Variants in CAMTA1 observed in about 807,000 individuals in gnomAD.
CAMTA1 encodes the protein calmodulin-binding transcription activator 1.
Under a neutral mutation model 170.9 loss-of-function variants are expected in CAMTA1, and 27 were observed. The observed-to-expected ratio is 0.16, with a 90% CI of 0.12 to 0.22. The LOEUF (loss-of-function observed/expected upper bound fraction) is 0.22. Ranked by LOEUF, CAMTA1 falls within the 10% of genes least tolerant of loss-of-function variation. The probability of loss-of-function intolerance (pLI) is 1.00; values close to 1 mark genes in which losing one functional copy is unlikely to be tolerated. For missense variants in CAMTA1, 1,619 were observed against 2,217.2 expected (o/e 0.73, Z 5.42); for synonymous variants, 833 against 891.5 (o/e 0.93, Z 1.17).
rs1336336584 is a variant in CAMTA1 at position 7,093,326 on chromosome 1, C to T, written c.302+1955C>T. On this transcript the variant is annotated intron_variant, in intron 4 of 22. Transcript: ENST00000303635. This position sits in a 1 kb window ranked among gnomAD's most constrained non-coding sequence, Gnocchi z 4.6. Reference sequence around the variant, plus strand: ...GGACTGTACTTTGAGGGCCACTGGCCTAGTTTTCTGGGGGAGAAGGAGGCT... The same window carrying T: ...GGACTGTACTTTGAGGGCCACTGGCTTAGTTTTCTGGGGGAGAAGGAGGCT... Among the ~76,000 whole-genome samples, 5 of 152,124 alleles carry T rather than the reference C, an allele frequency of 3.3e-5. No individual in the cohort carries two copies. Among genetic ancestry groups the T allele is most frequent in the African/African-American group, 9.7e-5 (4 of 41,418 alleles).
At position 7,276,303 on chromosome 1, in the gene CAMTA1, A is replaced by ATTTTTTTTTTTT. The variant is rs1180773965; in HGVS notation, c.438+26684_438+26695dup. On this transcript the variant is annotated intron_variant, in intron 5 of 22. Transcript: ENST00000303635. ...CATATATATATATATATATATATAT[A>ATTTTTTTTTTTT]TTTTTTTTTTTTTTTTTTCTTTTTG... Among the ~76,000 whole-genome samples, 11 of 24,222 alleles carry ATTTTTTTTTTTT rather than the reference A, an allele frequency of 4.5e-4. No homozygotes were observed. The East Asian group carries it at 6.0e-3, about 13-fold the overall frequency. The allele number at this position is 24,222 out of a possible 152,430, so 15.9% of individuals were successfully genotyped here. A position where few individuals can be genotyped will look rare whatever the true frequency, so the allele number is the denominator to read the frequency against.
At chr1:7,744,523 C>G (rs1396087970) in intron 16 of CAMTA1, among the ~76,000 whole-genome samples, 1 of 152,120 alleles carries the variant, frequency 6.6e-6, no homozygotes, top group African/African-American at 2.4e-5. Flanking sequence ...ACAGGTTACT[C>G]TAGAACTGCC....
chr1:7,494,502 G>A (rs1280604638), intron 6 of CAMTA1, among the ~76,000 whole-genome samples: 1 of 152,126 alleles, frequency 6.6e-6, no homozygotes, highest in Non-Finnish European at 1.5e-5. Context: ...GGGGGATGCA[G>A]AGGTCAAAGG....
At chr1:6,866,395 G>T (rs1666581891) in intron 3 of CAMTA1, among the ~76,000 whole-genome samples, 1 of 152,210 alleles carries the variant, frequency 6.6e-6, no homozygotes, top group Admixed American at 6.5e-5. Flanking sequence ...CAGGAAGCCA[G>T]TGGAAAGATG....
intron 5 of CAMTA1, among the ~76,000 whole-genome samples, chr1:7,379,072 C>T (rs1044785654): frequency 1.3e-5 from 2 of 152,206 alleles, no homozygotes; most frequent in Non-Finnish European, 2.9e-5. Flanking sequence ...GAAATGCCAC[C>T]ATGCATGACA....
chr1:6,866,256 G>A (rs1369305919), intron 3 of CAMTA1, among the ~76,000 whole-genome samples: 1 of 152,166 alleles, frequency 6.6e-6, no homozygotes, highest in African/African-American at 2.4e-5. Context: ...TCTCTTAGGG[G>A]TAGGACTTAG....
chr1:7,748,057 C>T lies in CAMTA1; in HGVS notation c.4689+276C>T, dbSNP rs775842427. Among the ~76,000 whole-genome samples the T allele has an allele frequency of 3.9e-5, 6 of 151,942 alleles. No homozygotes were observed. Among genetic ancestry groups the T allele is most frequent in the Non-Finnish European group, 4.4e-5 (3 of 67,974 alleles). ...CCTCCCGAGTAGCTGGGACTACAGG[C>T]GTGTGCTACCATGCCCAGCTGATTT... On this transcript the variant is annotated intron_variant, in intron 19 of 22. Coordinates refer to ENST00000303635, the MANE Select transcript of CAMTA1 (RefSeq NM_015215.4). The surrounding 1 kb of genome is among the most constrained non-coding windows in gnomAD (Gnocchi z 4.7).
At chr1:7,491,176 C>A (rs1314922311) in intron 6 of CAMTA1, among the ~76,000 whole-genome samples, 1 of 152,184 alleles carries the variant, frequency 6.6e-6, no homozygotes, top group Non-Finnish European at 1.5e-5. Context: ...CCCTGAGAGA[C>A]CACCCCCGGC....
intron 5 of CAMTA1, 43 bp from the exon 6 acceptor site, chr1:7,467,787 T>C (rs1281070690): frequency 9.2e-6 from 14 of 1,516,834 alleles, no homozygotes; most frequent in Non-Finnish European, 1.2e-5. Context: ...CCTTCCTTCC[T>C]TCCCTCTTTC....
intron 6 of CAMTA1, among the ~76,000 whole-genome samples, chr1:7,492,889 AAACC>A (rs948648532): frequency 1.6e-4 from 25 of 151,536 alleles, no homozygotes; most frequent in Non-Finnish European, 2.8e-4. Flanking sequence ...GCACAAACAC[AAACC>A]TACATACACA....
chr1:7,478,631 C>A (rs2093463144), intron 6 of CAMTA1, among the ~76,000 whole-genome samples: 1 of 152,214 alleles, frequency 6.6e-6, no homozygotes, highest in Non-Finnish European at 1.5e-5. Context: ...TTTATGCCTC[C>A]ACAGCGTGTG....
chr1:7,451,493 G>T (rs768388141), intron 5 of CAMTA1, among the ~76,000 whole-genome samples: 1 of 152,162 alleles, frequency 6.6e-6, no homozygotes, highest in African/African-American at 2.4e-5. Context: ...GAAGCCCCAG[G>T]TCCCTCCTGA....
At chr1:7,758,574 A>C (rs905534779) in intron 22 of CAMTA1, among the ~76,000 whole-genome samples, 1 of 152,210 alleles carries the variant, frequency 6.6e-6, no homozygotes, top group Non-Finnish European at 1.5e-5. Context: ...CCAAGTTGAA[A>C]TTAGTCTTGG....
At chr1:6,875,981 T>C (rs990844760) in intron 3 of CAMTA1, among the ~76,000 whole-genome samples, 2 of 152,218 alleles carry the variant, frequency 1.3e-5, no homozygotes, top group Admixed American at 1.3e-4. Flanking sequence ...TATGGGCCAG[T>C]TTAGTTGTTC....
intron 3 of CAMTA1, among the ~76,000 whole-genome samples, chr1:6,998,581 C>G (rs955385485): frequency 4.6e-5 from 7 of 152,226 alleles, no homozygotes; most frequent in African/African-American, 1.7e-4. Flanking sequence ...AATCCACTCC[C>G]CATGCACTTT....
rs578090667 is a variant in CAMTA1, at chr1:7,175,351, G to A, written c.303-74140G>A. Reference sequence around the variant, plus strand: ...TTCCATCCACAAATGTCTGATATTGGAATTACTATTCTTCTGTTTTCTGTT... The same window carrying A: ...TTCCATCCACAAATGTCTGATATTGAAATTACTATTCTTCTGTTTTCTGTT... On this transcript the variant is annotated intron_variant, in intron 4 of 22. Transcript: ENST00000303635. Among the ~76,000 whole-genome samples the A allele has an allele frequency of 2.0e-5, 3 of 152,294 alleles. No homozygotes were observed. In the South Asian group the frequency reaches 6.2e-4, roughly 32 times the overall value.
In CAMTA1 at chr1:7,102,002, TAC is replaced by T. The variant is rs1185735977; in HGVS notation, c.302+10637_302+10638del. The stretch of plus-strand genomic sequence containing the variant: ...AAATACACATACATATACATACATG[TAC>T]ACACATGCATAAATACACAACACAC... On this transcript the variant is annotated intron_variant, in intron 4 of 22. Transcript: ENST00000303635. 5.3e-5 allele frequency among the ~76,000 whole-genome samples: 8 copies of T among 151,234 alleles called. No homozygotes were observed. In the South Asian group the frequency reaches 1.7e-3, roughly 32 times the overall value.
intron 5 of CAMTA1, among the ~76,000 whole-genome samples, chr1:7,454,712 G>C (rs1377419356): frequency 6.6e-6 from 1 of 151,910 alleles, no homozygotes; most frequent in Non-Finnish European, 1.5e-5. Flanking sequence ...AGGGTCTGAG[G>C]CCTGGACAGC....
At chr1:6,843,746 C>CT (rs1185248848) in intron 3 of CAMTA1, among the ~76,000 whole-genome samples, 2 of 152,210 alleles carry the variant, frequency 1.3e-5, no homozygotes, top group East Asian at 3.8e-4. Context: ...TCCCAAAGTG[C>CT]TGGGATTATA....
Sources: allele counts gnomAD v4.1 joint callset (sites outside exome capture counted in the v4.1 genomes callset), GRCh38; gene constraint gnomAD v4.1.1; non-coding constraint Gnocchi (gnomAD v3.1); transcripts MANE v1.5; gene names NCBI Gene and HGNC (gene_info 2026-07-23, HGNC 2026-07-21).